Variants in SLC4A10 observed in about 807,000 individuals in gnomAD.
The protein encoded by SLC4A10 is sodium-driven chloride bicarbonate exchanger.
A neutral mutation model predicts 137.7 loss-of-function variants in SLC4A10; 42 were observed. The ratio of observed to expected loss-of-function variants is 0.30; its 90% CI spans 0.24 to 0.39. The LOEUF (loss-of-function observed/expected upper bound fraction) is 0.39. Among genes scored for constraint, SLC4A10 ranks in the 10% least tolerant of loss-of-function variants. The probability of loss-of-function intolerance (pLI) is 1.00; values close to 1 mark genes in which losing one functional copy is unlikely to be tolerated. For synonymous variants in SLC4A10, 474 were observed against 464.1 expected, an observed-to-expected ratio of 1.02 and a Z score of -0.27; for missense variants, 925 against 1,355.0, an observed-to-expected ratio of 0.68 and a Z score of 4.98.
chr2:161,640,996 G>C (rs2035240480), intron 1 of SLC4A10, among the ~76,000 whole-genome samples: 2 of 152,076 alleles, frequency 1.3e-5, no homozygotes, highest in Admixed American at 1.3e-4. Context: ...TAAGTCTCCA[G>C]CCTCATCATT....
At chr2:161,847,626 G>C (rs1332037313) in intron 4 of SLC4A10, among the ~76,000 whole-genome samples, 1 of 152,126 alleles carries the variant, frequency 6.6e-6, no homozygotes. Flanking sequence ...AGAACTTGCA[G>C]TATTTAGTTT....
chr2:161,759,816 T>G (rs2050054070), intron 1 of SLC4A10, among the ~76,000 whole-genome samples: 1 of 152,076 alleles, frequency 6.6e-6, no homozygotes, highest in South Asian at 2.1e-4. Context: ...ATAGGTTGCC[T>G]TTTCATTTTG....
chr2:161,792,754 G>A lies in SLC4A10; in HGVS notation c.131-11695G>A, dbSNP rs2054343408. Reference sequence around the variant, plus strand: ...TAATTAAGTGCTAATAGGGTACTGAGCCAAACACTGAGGGTGCTGAGCCAA... The same window carrying A: ...TAATTAAGTGCTAATAGGGTACTGAACCAAACACTGAGGGTGCTGAGCCAA... On this transcript the variant is annotated intron_variant, in intron 2 of 26. Transcript: ENST00000446997. 2.0e-5 allele frequency among the ~76,000 whole-genome samples: 3 copies of A among 152,262 alleles called. No homozygotes were observed. The South Asian group carries it at 6.2e-4, about 32-fold the overall frequency.
intron 1 of SLC4A10, among the ~76,000 whole-genome samples, chr2:161,705,380 A>G (rs2043546801): frequency 6.6e-6 from 1 of 151,532 alleles, no homozygotes; most frequent in Non-Finnish European, 1.5e-5. Context: ...GATCCCTTAG[A>G]GATGAAAAGC....
In SLC4A10 at chr2:161,872,317, C is replaced by G; in HGVS notation, c.791C>G (p.Ser264Cys). 1.2e-6 allele frequency: 2 copies of G among 1,613,578 alleles called. No homozygotes were observed. The highest frequency in any genetic ancestry group is 1.7e-6 in the Non-Finnish European group (2 of 1,179,678). Residue 264 changes from serine (S) to cysteine (C), a missense_variant, in exon 7 of 27, where the codon TCT (serine) becomes TGT (cysteine). By Grantham distance (112) the Ser-to-Cys change is moderately radical. Around this residue, in one of 11 missense-constraint regions of SLC4A10, gnomAD observed 277 missense variants for 306.1 expected, o/e 0.90. Coordinates refer to ENST00000446997, the MANE Select transcript of SLC4A10 (RefSeq NM_001178015.2). ...GCAGGTCAGGTTGTTTCTCCTCAGT[C>G]TGCTCCAGCCTGTGTTGAAAATAAA... is the stretch of plus-strand genomic sequence containing the variant. ...KNAGQVVSPQSAPACVENKND... is the reference protein window; with the variant it reads ...KNAGQVVSPQCAPACVENKND...
At chr2:161,825,519 C>T (rs1217378742) in intron 3 of SLC4A10, among the ~76,000 whole-genome samples, 3 of 152,164 alleles carry the variant, frequency 2.0e-5, no homozygotes, top group African/African-American at 7.2e-5. Context: ...ATGATAGAGT[C>T]TCTCTGCTGA....
chr2:161,767,430 A>G (rs2051030069), intron 1 of SLC4A10, among the ~76,000 whole-genome samples: 1 of 151,138 alleles, frequency 6.6e-6, no homozygotes, highest in South Asian at 2.1e-4. Flanking sequence ...TATACCTCAC[A>G]CCTCATTTAC....
intron 1 of SLC4A10, among the ~76,000 whole-genome samples, chr2:161,751,549 T>G (rs2048981559): frequency 6.6e-6 from 1 of 151,798 alleles, no homozygotes; most frequent in South Asian, 2.1e-4. Context: ...CTTGATTATA[T>G]GCTACCAATG....
intron 1 of SLC4A10, among the ~76,000 whole-genome samples, chr2:161,636,364 T>C (rs2034389338): frequency 6.6e-6 from 1 of 152,088 alleles, no homozygotes; most frequent in African/African-American, 2.4e-5. Context: ...GTGTGTATAT[T>C]ACATTTTTAT....
intron 15 of SLC4A10, among the ~76,000 whole-genome samples, chr2:161,922,780 A>G (rs1310492646): frequency 6.6e-6 from 1 of 152,210 alleles, no homozygotes; most frequent in African/African-American, 2.4e-5. Context: ...TCTGAAATAG[A>G]AAAAGAATAA....
At chr2:161,982,762 G>A (rs1242860159) in intron 26 of SLC4A10, among the ~76,000 whole-genome samples, 6 of 152,182 alleles carry the variant, frequency 3.9e-5, no homozygotes, top group African/African-American at 1.4e-4. Flanking sequence ...GGAGCCATTT[G>A]CAGCAGAGCC....
intron 2 of SLC4A10, among the ~76,000 whole-genome samples, chr2:161,775,746 G>T (rs16846107): frequency 0.16 from 24,850 of 151,672 alleles, 2,117 homozygotes; most frequent in African/African-American, 0.21. Context: ...TCCTGTCCAG[G>T]TTTTCTCAGA....
chr2:161,847,702 A>G (rs2059588402), intron 4 of SLC4A10, among the ~76,000 whole-genome samples: 1 of 152,150 alleles, frequency 6.6e-6, no homozygotes, highest in African/African-American at 2.4e-5. Context: ...TGCAAAGGCC[A>G]TTATCTCATT....
chr2:161,839,727 C>T (rs2059058706), intron 3 of SLC4A10, 62 bp from the exon 4 acceptor site: 1 of 1,586,014 alleles, frequency 6.3e-7, no homozygotes, highest in African/African-American at 1.3e-5. Context: ...GTGACTGGGA[C>T]ATTTTAAGCT....
At chr2:161,935,851 C>T (rs1301202344) in intron 15 of SLC4A10, among the ~76,000 whole-genome samples, 3 of 152,098 alleles carry the variant, frequency 2.0e-5, no homozygotes, top group East Asian at 3.9e-4. Flanking sequence ...AGTAGGCATT[C>T]TTGTCTTATT....
intron 3 of SLC4A10, among the ~76,000 whole-genome samples, chr2:161,836,605 G>A (rs531724052): frequency 7.3e-6 from 1 of 136,100 alleles, no homozygotes; most frequent in Non-Finnish European, 1.6e-5. Flanking sequence ...AGAAAGGAAG[G>A]AAGGAAAGAA....
At chr2:161,978,384 C>CA (rs61399867) in intron 26 of SLC4A10, among the ~76,000 whole-genome samples, 1,947 of 90,442 alleles carry the variant, frequency 0.022, 85 homozygotes, top group African/African-American at 0.048. Context: ...GAGACTCTGT[C>CA]AAAAAAAAAA....
chr2:161,938,304 T>G (rs1313572066), intron 15 of SLC4A10, among the ~76,000 whole-genome samples: 1 of 152,044 alleles, frequency 6.6e-6, no homozygotes, highest in Non-Finnish European at 1.5e-5. Flanking sequence ...ATTAATTAAA[T>G]AAAGAAAAGT....
intron 25 of SLC4A10, 70 bp downstream of exon 25, chr2:161,976,946 G>A: frequency 1.3e-6 from 1 of 766,486 alleles, no homozygotes; most frequent in Non-Finnish European, 2.0e-6. Flanking sequence ...ATAAGCAAAA[G>A]AATAATATTA....
Sources: gnomAD v4.1 joint callset for allele counts (sites outside exome capture counted in the v4.1 genomes callset) on GRCh38, gnomAD v4.1.1 for gene constraint, gnomAD v4.1.1 regional missense constraint, MANE v1.5 for transcripts, NCBI Gene and HGNC (gene_info 2026-07-23, HGNC 2026-07-21) for gene names.